SERGEF: variants seen among roughly 807,000 people sequenced by gnomAD.
SERGEF encodes the protein secretion regulating guanine nucleotide exchange factor.
SERGEF carries 51 observed loss-of-function variants against 50.0 expected under a neutral mutation model. The observed-to-expected ratio is 1.02, with a 90% CI of 0.81 to 1.29. The LOEUF is 1.29. SERGEF is among the 50% of genes most tolerant of loss of function. The pLI is 0.00. For missense variants in SERGEF, 521 were observed against 557.0 expected, an observed-to-expected ratio of 0.94 and a Z score of 0.65; for synonymous variants, 205 against 212.4, an observed-to-expected ratio of 0.97 and a Z score of 0.30.
intron 10 of SERGEF, among the ~76,000 whole-genome samples, chr11:17,825,476 A>G (rs1222554020): frequency 6.6e-6 from 1 of 152,210 alleles, no homozygotes; most frequent in Admixed American, 6.5e-5. Flanking sequence ...CACTCACAGA[A>G]GTCAAATGTA....
At chr11:17,792,486 G>A (rs777065312) in intron 10 of SERGEF, among the ~76,000 whole-genome samples, 40 of 152,204 alleles carry the variant, frequency 2.6e-4, no homozygotes, top group Non-Finnish European at 4.9e-4. Context: ...AAGCTGGCAG[G>A]TGCCTCTCCT....
chr11:17,842,580 A>C (rs1850525543), intron 10 of SERGEF, among the ~76,000 whole-genome samples: 1 of 152,208 alleles, frequency 6.6e-6, no homozygotes, highest in Non-Finnish European at 1.5e-5. Context: ...AGGATTTGCT[A>C]AAATATGGTG....
At position 17,979,597 on chromosome 11, in the gene SERGEF, C is replaced by T. The variant is rs139749600; in HGVS notation, c.844+9000G>A. 9.1e-4 allele frequency among the ~76,000 whole-genome samples: 139 copies of T among 152,282 alleles called. 1 individual carries two copies. The highest frequency in any genetic ancestry group is 3.2e-3 in the African/African-American group (133 of 41,552). ...AGGCCTCTTAACACCTGGCCAGAGG[C>T]GCTCAGTGAATGCAAGTATACAAGT... On this transcript the variant is annotated intron_variant, in intron 8 of 10. Transcript: ENST00000265965.
intron 10 of SERGEF, among the ~76,000 whole-genome samples, chr11:17,864,767 G>A (rs1157549276): frequency 6.6e-6 from 1 of 152,174 alleles, no homozygotes; most frequent in Non-Finnish European, 1.5e-5. Flanking sequence ...ACTTGAGAAA[G>A]CCCCTTGAGA....
intron 10 of SERGEF, among the ~76,000 whole-genome samples, chr11:17,830,723 G>A (rs11024415): frequency 3.6e-5 from 5 of 138,784 alleles, no homozygotes; most frequent in Non-Finnish European, 8.0e-5. Context: ...AGGATGAACC[G>A]ACTCCCTCCA....
chr11:17,907,463 C>A (rs150076625), intron 9 of SERGEF, among the ~76,000 whole-genome samples: 1 of 152,222 alleles, frequency 6.6e-6, no homozygotes, highest in African/African-American at 2.4e-5. Flanking sequence ...CTACAATGGG[C>A]TTTCTCTTCT....
intron 8 of SERGEF, among the ~76,000 whole-genome samples, chr11:17,986,289 G>C (rs1479107730): frequency 6.6e-6 from 1 of 152,118 alleles, no homozygotes; most frequent in Non-Finnish European, 1.5e-5. Flanking sequence ...CAAAATTGGT[G>C]AATCATGTAA....
chr11:17,916,480 G>A (rs1379404803), intron 9 of SERGEF, among the ~76,000 whole-genome samples: 2 of 152,182 alleles, frequency 1.3e-5, no homozygotes, highest in Non-Finnish European at 2.9e-5. Context: ...TGGAGGCATT[G>A]AGCCCCACCA....
chr11:18,007,223 C>T (rs776372534), intron 2 of SERGEF, among the ~76,000 whole-genome samples: 4 of 152,072 alleles, frequency 2.6e-5, no homozygotes, highest in Middle Eastern at 3.2e-3. Context: ...CTATTAATAT[C>T]CATCTTTATA....
chr11:17,851,743 G>A (rs966096263), intron 10 of SERGEF, among the ~76,000 whole-genome samples: 1 of 152,190 alleles, frequency 6.6e-6, no homozygotes, highest in African/African-American at 2.4e-5. Context: ...TTGCATTCAT[G>A]CATTATTGCA....
At chr11:17,918,667 CT>C (rs1852096615) in intron 9 of SERGEF, 2 of 352,234 alleles carry the variant, frequency 5.7e-6, no homozygotes, top group African/African-American at 5.0e-5. Context: ...CACACACTCT[CT>C]CTCTCTCTCT....
At chr11:17,993,699 C>T (rs138052474) in intron 6 of SERGEF, among the ~76,000 whole-genome samples, 3 of 152,234 alleles carry the variant, frequency 2.0e-5, no homozygotes, top group Admixed American at 6.5e-5. Flanking sequence ...AATAAAATGG[C>T]CCTCACACCT....
intron 9 of SERGEF, among the ~76,000 whole-genome samples, chr11:17,948,978 G>T (rs1183904839): frequency 6.6e-6 from 1 of 152,186 alleles, no homozygotes; most frequent in Non-Finnish European, 1.5e-5. Flanking sequence ...ACCACTGGCA[G>T]TGTCCCCACA....
rs1049622606 is a variant in SERGEF at position 18,000,912 on chromosome 11, T to A, written c.448-355A>T. 2.4e-5 allele frequency: 11 copies of A among 451,122 alleles called. No homozygotes were observed. In the East Asian group the frequency reaches 4.4e-4, roughly 18 times the overall value. 27.9% of individuals were successfully genotyped at this position (451,122 alleles called of 1,614,324 possible). ...ACTACTCAGCTGTGCCATTGTAACA[T>A]AAAAGCAGCTCTAGACTATACATAA... On this transcript the variant is annotated intron_variant, in intron 4 of 10. Coordinates refer to ENST00000265965, the MANE Select transcript of SERGEF (RefSeq NM_012139.4).
chr11:17,935,645 G>A (rs886915172), intron 9 of SERGEF, among the ~76,000 whole-genome samples: 2 of 152,102 alleles, frequency 1.3e-5, no homozygotes, highest in African/African-American at 4.8e-5. Flanking sequence ...TTGGATCCTA[G>A]GTCTCTATGC....
rs1205795211 is a variant in SERGEF at position 17,888,698 on chromosome 11, T to G, written c.1012-10454A>C. On this transcript the variant is annotated intron_variant, in intron 9 of 10. Coordinates refer to ENST00000265965, the MANE Select transcript of SERGEF (RefSeq NM_012139.4). This position sits in a 1 kb window ranked among gnomAD's most constrained non-coding sequence, Gnocchi z 4.1. Reference sequence around the variant, plus strand: ...ACACACGCATTGAGTTAAACCAACATGAAATTGCCCAGCAGCACTGACACC... The same window carrying G: ...ACACACGCATTGAGTTAAACCAACAGGAAATTGCCCAGCAGCACTGACACC... Among the ~76,000 whole-genome samples, 1 of 148,472 alleles carries G rather than the reference T, an allele frequency of 6.7e-6. No individual in the cohort carries two copies. The highest frequency in any genetic ancestry group is 2.1e-4 in the East Asian group (1 of 4,878).
intron 9 of SERGEF, among the ~76,000 whole-genome samples, chr11:17,916,591 T>C (rs1056794761): frequency 2.6e-5 from 4 of 152,228 alleles, no homozygotes; most frequent in African/African-American, 9.7e-5. Flanking sequence ...GCTAGAAAAC[T>C]ATAGTATCCA....
At chr11:17,811,562 G>T (rs1015469927) in intron 10 of SERGEF, among the ~76,000 whole-genome samples, 4 of 152,230 alleles carry the variant, frequency 2.6e-5, no homozygotes, top group African/African-American at 9.6e-5. Context: ...TCTAGGCTCA[G>T]CGTGGAGGAA....
intron 10 of SERGEF, among the ~76,000 whole-genome samples, chr11:17,802,900 C>T (rs1565171539): frequency 6.6e-6 from 1 of 152,222 alleles, no homozygotes; most frequent in Non-Finnish European, 1.5e-5. Flanking sequence ...TTGTCTGTTT[C>T]CCCACCAGAA....
Sources: gnomAD v4.1 joint callset for allele counts (sites outside exome capture counted in the v4.1 genomes callset) on GRCh38, gnomAD v4.1.1 for gene constraint, Gnocchi (gnomAD v3.1) non-coding constraint, MANE v1.5 for transcripts, NCBI Gene and HGNC (gene_info 2026-07-23, HGNC 2026-07-21) for gene names.